EIF2AK1: variants seen among roughly 807,000 people sequenced by gnomAD.
EIF2AK1 encodes the protein eukaryotic translation initiation factor 2-alpha kinase 1.
Under a neutral mutation model 77.9 loss-of-function variants are expected in EIF2AK1, and 54 were observed. The observed-to-expected ratio is 0.69, with a 90% CI of 0.56 to 0.87. The LOEUF is 0.87. Among genes scored for constraint, EIF2AK1 ranks in the 40% least tolerant of loss-of-function variants. The pLI is 0.00. For synonymous variants in EIF2AK1, 314 were observed against 290.5 expected, an observed-to-expected ratio of 1.08 and a Z score of -0.82; for missense variants, 810 against 768.6, an observed-to-expected ratio of 1.05 and a Z score of -0.64.
In EIF2AK1 at chr7:6,038,560, A is replaced by C. The variant is rs781107830; in HGVS notation, c.1231T>G (p.Cys411Gly). 6 of 1,609,346 alleles carry C rather than the reference A, an allele frequency of 3.7e-6. No individual in the cohort carries two copies. The Admixed American group carries it at 8.4e-5, about 23-fold the overall frequency. ...CCCGGCAGACCCAGATGGTACTCAC[A>C]GGCAGACTCGTCCACATACTCCCGG... is the stretch of plus-strand genomic sequence containing the variant. Reference protein sequence around the residue: ...RGREYVDESACPYVMANVATK... With the variant: ...RGREYVDESAGPYVMANVATK... Residue 411 changes from cysteine (C) to glycine (G), a missense_variant and splice_region_variant, in exon 10 of 15, where the codon TGT becomes GGT. Physicochemically the swap from Cys to Gly is radical, Grantham distance 159 (BLOSUM62 -3). Coordinates refer to ENST00000199389, the MANE Select transcript of EIF2AK1 (RefSeq NM_014413.4).
rs1260981325 is a variant in EIF2AK1 at position 6,044,627 on chromosome 7, T to C, written c.665A>G (p.Gln222Arg). 3 of 1,614,046 alleles carry C rather than the reference T, an allele frequency of 1.9e-6. No individual in the cohort carries two copies. Among genetic ancestry groups the C allele is most frequent in the African/African-American group, 1.3e-5 (1 of 75,034 alleles). The change falls in exon 7 of 15, where the codon CAG becomes CGG. Residue 222 changes from glutamine (Q) to arginine (R), a missense_variant. Coordinates refer to ENST00000199389, the MANE Select transcript of EIF2AK1 (RefSeq NM_014413.4). ...GTGATAGCCAACAATATTGGGGTGC[T>C]GAAGACCTGCCAGCACCTTCACTTC... ...LREVKVLAGL[Q>R]HPNIVGYHTA...
chr7:6,037,377 G>C, intron 11 of EIF2AK1, 47 bp downstream of exon 11: 1 of 1,280,810 alleles, frequency 7.8e-7, no homozygotes, highest in Non-Finnish European at 1.1e-6. Context: ...AGTCGTCCCT[G>C]ATACAAAGCT....
chr7:6,041,222 GAA>G lies in EIF2AK1; in HGVS notation c.792-5_792-4del, dbSNP rs34743814. 0.023 allele frequency: 28,924 copies of G among 1,234,208 alleles called. 5 individuals are homozygous for G. The highest frequency in any genetic ancestry group is 0.054 in the East Asian group (1,524 of 28,424). 76.5% of individuals were successfully genotyped at this position (1,234,208 alleles called of 1,614,324 possible). ...CATTTTTAACACCACATTGCTCTCT[GAA>G]AAAAAAAAAAATAGTAAACATAAAA... On this transcript the variant is annotated splice_region_variant and splice_polypyrimidine_tract_variant and intron_variant, in intron 8 of 14. Transcript: ENST00000199389.
In EIF2AK1 at chr7:6,037,543, A is replaced by T. The variant is rs781005326; in HGVS notation, c.1232-19T>A. 8 of 1,504,704 alleles carry T rather than the reference A, an allele frequency of 5.3e-6. No individual in the cohort carries two copies. Among genetic ancestry groups the T allele is most frequent in the South Asian group, 1.2e-5 (1 of 85,452 alleles). 93.2% of individuals were successfully genotyped at this position (1,504,704 alleles called of 1,614,324 possible). ...TAAGGACCTTGAAGTAAAAAAAAAT[A>T]GTTTTATTTCTCTAATTTTTTTACT... On this transcript the variant is annotated intron_variant, in intron 10 of 14. Transcript: ENST00000199389.
intron 8 of EIF2AK1, among the ~76,000 whole-genome samples, chr7:6,041,868 G>C (rs1788309249): frequency 6.7e-6 from 1 of 150,348 alleles, no homozygotes; most frequent in African/African-American, 2.4e-5. Flanking sequence ...CAATGTATAG[G>C]TCTGGCACAA....
Position 6,038,685 on chromosome 7 carries a change from C to G in EIF2AK1, c.1120-14G>C. 6.3e-7 allele frequency: 1 copy of G among 1,587,148 alleles called. No homozygotes were observed. The highest frequency in any genetic ancestry group is 8.6e-7 in the Non-Finnish European group (1 of 1,164,294). Reference sequence around the variant, plus strand: ...GTGGTACTGTGCCTAGGAGAGGACACAGTGATGGCTCCCATCTTTGCACGA... The same window carrying G: ...GTGGTACTGTGCCTAGGAGAGGACAGAGTGATGGCTCCCATCTTTGCACGA... On this transcript the variant is annotated splice_polypyrimidine_tract_variant and intron_variant, in intron 9 of 14. Transcript: ENST00000199389.
rs1487686847 is a variant in EIF2AK1 at position 6,024,510 on chromosome 7, C to T, written c.*163G>A. On this transcript the variant is annotated 3_prime_UTR_variant, in exon 15 of 15. Coordinates refer to ENST00000199389, the MANE Select transcript of EIF2AK1 (RefSeq NM_014413.4). Reference sequence around the variant, plus strand: ...TAGGTAGGAAATTCAGGAAAAGGAGCTTGTGGGGCAGGAAGGGAAGGAACG... The same window carrying T: ...TAGGTAGGAAATTCAGGAAAAGGAGTTTGTGGGGCAGGAAGGGAAGGAACG... 1 of 1,431,956 alleles carries T rather than the reference C, an allele frequency of 7.0e-7. No individual in the cohort carries two copies. The highest frequency in any genetic ancestry group is 9.1e-7 in the Non-Finnish European group (1 of 1,099,328). 88.7% of individuals were successfully genotyped at this position (1,431,956 alleles called of 1,614,324 possible).
At position 6,024,020 on chromosome 7, in the gene EIF2AK1, G is replaced by A. The variant is rs933557931; in HGVS notation, c.*653C>T. The A allele has an allele frequency of 7.5e-7, 1 of 1,325,552 alleles. No individual in the cohort carries two copies. The highest frequency in any genetic ancestry group is 1.5e-5 in the African/African-American group (1 of 67,550). The allele number at this position is 1,325,552 out of a possible 1,614,324, so 82.1% of individuals were successfully genotyped here. On this transcript the variant is annotated 3_prime_UTR_variant, in exon 15 of 15. Transcript: ENST00000199389. ...GGAGGAAGTACCGGGGAACAGTGCAGGGCAAAGGCAGGAAAGAGATCTGAG... is the reference window on the plus strand; with the variant it reads ...GGAGGAAGTACCGGGGAACAGTGCAAGGCAAAGGCAGGAAAGAGATCTGAG...
intron 9 of EIF2AK1, among the ~76,000 whole-genome samples, chr7:6,039,910 C>A (rs1050825601): frequency 2.6e-5 from 4 of 152,024 alleles, no homozygotes; most frequent in Non-Finnish European, 5.9e-5. Context: ...GTACTCCAGC[C>A]TGGGTGACAA....
intron 7 of EIF2AK1, 135 bp downstream of exon 7, chr7:6,044,427 G>C: frequency 1.5e-6 from 1 of 671,796 alleles, no homozygotes; most frequent in South Asian, 2.1e-5. Flanking sequence ...GACAGAGTGA[G>C]ACTCCGTCTC....
At chr7:6,045,043 A>C (rs578132011) in intron 6 of EIF2AK1, among the ~76,000 whole-genome samples, 1 of 152,258 alleles carries the variant, frequency 6.6e-6, no homozygotes, top group East Asian at 1.9e-4. Flanking sequence ...CCATCATAAG[A>C]TGGAGGACCA....
chr7:6,047,323 A>T (rs1236392764), intron 4 of EIF2AK1: 1 of 595,042 alleles, frequency 1.7e-6, no homozygotes, highest in Non-Finnish European at 3.1e-6. Context: ...GTTGTACAGC[A>T]GAAATCCTAA....
In EIF2AK1 at chr7:6,051,388, C is replaced by T. The variant is rs1342857105; in HGVS notation, c.278-1343G>A. 2.6e-5 allele frequency among the ~76,000 whole-genome samples: 4 copies of T among 151,646 alleles called. No individual in the cohort carries two copies. In the South Asian group the frequency reaches 8.3e-4, roughly 32 times the overall value. On this transcript the variant is annotated intron_variant, in intron 2 of 14. Transcript: ENST00000199389. ...CAGGGTTCATGCGATTTTCCTGCCT[C>T]AGTCGCCTGAGTAGCTGGGATTACA... is the stretch of plus-strand genomic sequence containing the variant.
chr7:6,042,723 G>T (rs758878031), intron 8 of EIF2AK1, among the ~76,000 whole-genome samples: 1 of 152,036 alleles, frequency 6.6e-6, no homozygotes, highest in Non-Finnish European at 1.5e-5. Context: ...AAAACTAGCT[G>T]GGTGTGGTGG....
Position 6,024,747 on chromosome 7 carries a change from G to C in EIF2AK1, c.1819C>G (p.Leu607Val). 6.3e-7 allele frequency: 1 copy of C among 1,594,340 alleles called. No individual in the cohort carries two copies. Among genetic ancestry groups the C allele is most frequent in the Non-Finnish European group, 8.5e-7 (1 of 1,173,892 alleles). The part of the protein sequence containing the change: ...IIEQEKEIAE[L>V]KKQLNLLSQD... Reference sequence around the variant, plus strand: ...GAAAGGAGGTTTAGCTGCTTCTTTAGTTCTGCAATTTCTTTTTCTTGCTCT... The same window carrying C: ...GAAAGGAGGTTTAGCTGCTTCTTTACTTCTGCAATTTCTTTTTCTTGCTCT... The change falls in exon 15 of 15, where the codon CTA becomes GTA. Residue 607 changes from leucine (L) to valine (V), a missense_variant. Transcript: ENST00000199389.
In EIF2AK1 at chr7:6,026,427, T is replaced by C. The variant is rs111685544; in HGVS notation, c.1764+301A>G. 4,598 of 430,418 alleles carry C rather than the reference T, an allele frequency of 0.011. 162 individuals carry two copies. In the African/African-American group the frequency reaches 0.19, roughly 18 times the overall value. The allele number at this position is 430,418 out of a possible 1,614,324, so 26.7% of individuals were successfully genotyped here. ...GTCTCACCCACCAGGCCCCAGGAAG[T>C]TTCCTACCGGCCTTCGCTGTGGGGT... is the stretch of plus-strand genomic sequence containing the variant. On this transcript the variant is annotated intron_variant, in intron 14 of 14. Transcript: ENST00000199389.
At chr7:6,038,845 C>T (rs1788184808) in intron 9 of EIF2AK1, among the ~76,000 whole-genome samples, 174 bp from the exon 10 acceptor site, 1 of 152,118 alleles carries the variant, frequency 6.6e-6, no homozygotes, top group Non-Finnish European at 1.5e-5. Context: ...GACACAGGCC[C>T]ACCCAAGAAG....
At position 6,026,971 on chromosome 7, in the gene EIF2AK1, G is replaced by GA; in HGVS notation, c.1531-11dup. ...AGCTGTACATATCTGACTGGAAAAA[G>GA]AAAAAAAGGGGAACTCAGTAGTGAA... On this transcript the variant is annotated splice_polypyrimidine_tract_variant and intron_variant, in intron 13 of 14. Coordinates refer to ENST00000199389, the MANE Select transcript of EIF2AK1 (RefSeq NM_014413.4). The GA allele has an allele frequency of 1.9e-6, 3 of 1,589,772 alleles. No individual in the cohort carries two copies. The highest frequency in any genetic ancestry group is 2.6e-6 in the Non-Finnish European group (3 of 1,167,494).
In EIF2AK1 at chr7:6,035,928, C is replaced by T. The variant is rs1788070017; in HGVS notation, c.1332+1496G>A. The T allele has an allele frequency of 6.5e-7, 1 of 1,546,992 alleles. No individual in the cohort carries two copies. Among genetic ancestry groups the T allele is most frequent in the African/African-American group, 1.4e-5 (1 of 72,984 alleles). On this transcript the variant is annotated intron_variant, in intron 11 of 14. Transcript: ENST00000199389. The surrounding 1 kb of genome is among the most constrained non-coding windows in gnomAD (Gnocchi z 5.5). ...CAGCTGCATCCGTCTGCTACTCACT[C>T]ACGGAGCCAAAGTCAACGCCCAGGA...
Sources: gnomAD v4.1 joint callset for allele counts (sites outside exome capture counted in the v4.1 genomes callset) on GRCh38, gnomAD v4.1.1 for gene constraint, Gnocchi (gnomAD v3.1) non-coding constraint, MANE v1.5 for transcripts, NCBI Gene and HGNC (gene_info 2026-07-23, HGNC 2026-07-21) for gene names.